Variants in SSR2 observed in about 807,000 individuals in gnomAD.
SSR2 encodes the protein translocon-associated protein subunit beta.
A neutral mutation model predicts 22.6 loss-of-function variants in SSR2; 16 were observed. That is an observed-to-expected ratio of 0.71 (90% CI 0.48 to 1.08). The LOEUF (loss-of-function observed/expected upper bound fraction) is 1.08. SSR2 is among the 50% of genes least tolerant of loss of function. The pLI, the probability that SSR2 is intolerant of heterozygous loss-of-function variation, is 0.00. For synonymous variants in SSR2, 83 were observed against 91.2 expected (o/e 0.91, Z 0.51); for missense variants, 171 against 221.6 (o/e 0.77, Z 1.45).
At chr1:156,011,786 G>A in intron 5 of SSR2, 24 bp downstream of exon 5, 1 of 1,600,342 alleles carries the variant, frequency 6.2e-7, no homozygotes, top group Non-Finnish European at 8.6e-7. Flanking sequence ...AGGAACTGAT[G>A]AGAGAGAACA....
chr1:156,016,064 T>C (rs1340290116), intron 3 of SSR2, among the ~76,000 whole-genome samples: 1 of 151,630 alleles, frequency 6.6e-6, no homozygotes, highest in Non-Finnish European at 1.5e-5. Flanking sequence ...GGCTGGAGAA[T>C]CGCTTGAACT....
chr1:156,009,433 GA>G lies in SSR2; in HGVS notation c.*106del, dbSNP rs956886737. Reference sequence around the variant, plus strand: ...CCAGGAGAAAGTGGCCAAGGGCTAAGAGAGAAGAGATTGCATTTAAGATACC... The same window carrying G: ...CCAGGAGAAAGTGGCCAAGGGCTAAGGAGAAGAGATTGCATTTAAGATACC... On this transcript the variant is annotated 3_prime_UTR_variant, in exon 6 of 6. Coordinates refer to ENST00000295702, the MANE Select transcript of SSR2 (RefSeq NM_003145.4). 5.5e-5 allele frequency: 49 copies of G among 887,870 alleles called. No homozygotes were observed. The African/African-American group carries it at 7.2e-4, about 13-fold the overall frequency. The allele number at this position is 887,870 out of a possible 1,614,324, so 55.0% of individuals were successfully genotyped here. A position where few individuals can be genotyped will look rare whatever the true frequency, so the allele number is the denominator to read the frequency against.
At chr1:156,015,103 A>C (rs199876440) in intron 3 of SSR2, 34 bp from the exon 4 acceptor site, 682 of 1,561,532 alleles carry the variant, frequency 4.4e-4, no homozygotes, top group Non-Finnish European at 5.8e-4. Context: ...AAAGAGATGA[A>C]GCTAAAGTTG....
rs978692157 is a variant in SSR2 at position 156,020,380 on chromosome 1, T to C, written c.1-213A>G. 8 of 522,016 alleles carry C rather than the reference T, an allele frequency of 1.5e-5. No individual in the cohort carries two copies. The South Asian group carries it at 1.7e-4, about 11-fold the overall frequency. 32.3% of individuals were successfully genotyped at this position (522,016 alleles called of 1,614,324 possible). ...CTCGAAAAACCGGTACAAGCACCAA[T>C]ATATCTACTGCCCTCTTCCTGTCAG... On this transcript the variant is annotated intron_variant, in intron 1 of 5. Coordinates refer to ENST00000295702, the MANE Select transcript of SSR2 (RefSeq NM_003145.4).
At chr1:156,019,274 T>A (rs1157265299) in intron 2 of SSR2, 1 of 451,342 alleles carries the variant, frequency 2.2e-6, no homozygotes, top group Non-Finnish European at 4.5e-6. Context: ...TGCCTATGTG[T>A]GTGGAGGGAG....
intron 4 of SSR2, 188 bp from the exon 5 acceptor site, chr1:156,012,075 T>TA (rs1682985382): frequency 1.9e-6 from 1 of 532,522 alleles, no homozygotes. Context: ...GATTCTCTCT[T>TA]AGTGTGTTAT....
intron 3 of SSR2, 138 bp from the exon 4 acceptor site, chr1:156,015,207 A>C: frequency 2.9e-6 from 2 of 683,146 alleles, no homozygotes; most frequent in Non-Finnish European, 5.1e-6. Flanking sequence ...GCAGGAATGA[A>C]AAAATATAGG....
chr1:156,015,405 G>A (rs368743293), intron 3 of SSR2, among the ~76,000 whole-genome samples: 1 of 149,646 alleles, frequency 6.7e-6, no homozygotes, highest in East Asian at 2.0e-4. Context: ...TACTCGGGAG[G>A]CTGAGGCAGG....
chr1:156,012,755 TCA>T, intron 4 of SSR2: 1 of 303,882 alleles, frequency 3.3e-6, no homozygotes, highest in Admixed American at 4.1e-5. Context: ...GTATGGAGGA[TCA>T]CACATTTTGG....
At chr1:156,011,761 G>C (rs892251745) in intron 5 of SSR2, 49 bp downstream of exon 5, 1 of 1,497,314 alleles carries the variant, frequency 6.7e-7, no homozygotes, top group Non-Finnish European at 9.3e-7. Flanking sequence ...GAACCAAAAG[G>C]GCATTCTCAT....
At position 156,020,062 on chromosome 1, in the gene SSR2, C is replaced by G; in HGVS notation, c.106G>C (p.Glu36Gln). 1.2e-6 allele frequency: 2 copies of G among 1,614,172 alleles called. No individual in the cohort carries two copies. The highest frequency in any genetic ancestry group is 1.7e-6 in the Non-Finnish European group (2 of 1,180,022). ...SKSLLNRYAV[E>Q]GRDLTLQYNI... ...TACTGCAAGGTCAGGTCTCGTCCCT[C>G]CACGGCGTATCTGTTCAGCAGTGAT... Residue 36 changes from glutamate (E) to glutamine (Q), a missense_variant, in exon 2 of 6, where the codon GAG (glutamate) becomes CAG (glutamine). Transcript: ENST00000295702.
rs1368104459 is a variant in SSR2, at chr1:156,009,185, T to C, written c.*355A>G. On this transcript the variant is annotated 3_prime_UTR_variant, in exon 6 of 6. Coordinates refer to ENST00000295702, the MANE Select transcript of SSR2 (RefSeq NM_003145.4). Reference sequence around the variant, plus strand: ...TCTTCTGAGAGGGGGAGGCAGGGGATAGGGGTGGTGTCAGGCAGTCTCCAA... The same window carrying C: ...TCTTCTGAGAGGGGGAGGCAGGGGACAGGGGTGGTGTCAGGCAGTCTCCAA... The C allele has an allele frequency of 9.2e-6, 2 of 216,412 alleles. No homozygotes were observed. The highest frequency in any genetic ancestry group is 1.8e-5 in the Non-Finnish European group (2 of 109,946). 13.4% of individuals were successfully genotyped at this position (216,412 alleles called of 1,614,324 possible). A position where few individuals can be genotyped will look rare whatever the true frequency, so the allele number is the denominator to read the frequency against.
intron 3 of SSR2, among the ~76,000 whole-genome samples, 171 bp from the exon 4 acceptor site, chr1:156,015,240 T>C (rs1034989646): frequency 6.6e-6 from 1 of 152,016 alleles, no homozygotes; most frequent in Non-Finnish European, 1.5e-5. Context: ...GCATGGTGGC[T>C]CACGCCTGTA....
At chr1:156,019,570 T>C (rs1683114427) in intron 2 of SSR2, among the ~76,000 whole-genome samples, 1 of 151,840 alleles carries the variant, frequency 6.6e-6, no homozygotes, top group Non-Finnish European at 1.5e-5. Context: ...TTTTTAGTAG[T>C]GACAGGGTTT....
chr1:156,011,567 A>G (rs2102721070), intron 5 of SSR2: 1 of 310,978 alleles, frequency 3.2e-6, no homozygotes. Context: ...TAAGATGGGT[A>G]TCTACTCAAA....
intron 4 of SSR2, chr1:156,012,211 C>T: frequency 3.3e-6 from 1 of 301,524 alleles, no homozygotes; most frequent in Non-Finnish European, 6.5e-6. Context: ...TCAGACTCTG[C>T]AAAGAGTGAA....
rs1418847952 is a variant in SSR2 at position 156,009,563 on chromosome 1, T to A, written c.529A>T (p.Thr177Ser). 2 of 1,613,090 alleles carry A rather than the reference T, an allele frequency of 1.2e-6. No individual in the cohort carries two copies. Among genetic ancestry groups the A allele is most frequent in the African/African-American group, 2.7e-5 (2 of 74,820 alleles). The change falls in exon 6 of 6, where the codon ACT (threonine) becomes TCT (serine). Residue 177 changes from threonine (T) to serine (S), a missense_variant. Thr to Ser is a moderately conservative substitution (Grantham distance 58, BLOSUM62 1). Transcript: ENST00000295702. ...LWYSSKRKYD[T>S]PKTKKN ...AATCAGTTCTTCTTCGTTTTGGGAGTGTCATATTTCCTCTTGCTGGAGTAC... is the reference window on the plus strand; with the variant it reads ...AATCAGTTCTTCTTCGTTTTGGGAGAGTCATATTTCCTCTTGCTGGAGTAC...
At chr1:156,017,950 A>G (rs1683084683) in intron 3 of SSR2, among the ~76,000 whole-genome samples, 1 of 151,016 alleles carries the variant, frequency 6.6e-6, no homozygotes, top group Non-Finnish European at 1.5e-5. Context: ...GGGTTTCACC[A>G]TGTTGGCCAG....
At chr1:156,011,628 T>A in intron 5 of SSR2, 182 bp downstream of exon 5, 1 of 501,994 alleles carries the variant, frequency 2.0e-6, no homozygotes. Context: ...TGTGATCTCA[T>A]TGCCAAAAAT....
Sources: allele counts gnomAD v4.1 joint callset (sites outside exome capture counted in the v4.1 genomes callset), GRCh38; gene constraint gnomAD v4.1.1; transcripts MANE v1.5; gene names NCBI Gene and HGNC (gene_info 2026-07-23, HGNC 2026-07-21).